The following RC3H1 variants were observed in gnomAD, a reference collection of about 807,000 sequenced individuals.
RC3H1 encodes roquin-1.
In RC3H1, 50 loss-of-function variants were observed where a neutral mutation model predicts 138.2. The observed-to-expected ratio is 0.36, with a 90% CI of 0.29 to 0.46. RC3H1 has a LOEUF of 0.46. Among genes scored for constraint, RC3H1 ranks in the 20% least tolerant of loss-of-function variants. The pLI, the probability that RC3H1 is intolerant of heterozygous loss-of-function variation, is 1.00. For synonymous variants in RC3H1, 462 were observed against 489.1 expected, an observed-to-expected ratio of 0.94 and a Z score of 0.73; for missense variants, 1,031 against 1,388.1, an observed-to-expected ratio of 0.74 and a Z score of 4.09.
Position 173,935,429 on chromosome 1 carries a change from T to C in RC3H1, c.*3292A>G, listed in dbSNP as rs1658543444. ...TGCTTATTACTCCTACCTTAACCCA[T>C]TCAAAATTGTTCATCTCAGATATCT... is the stretch of plus-strand genomic sequence containing the variant. On this transcript the variant is annotated 3_prime_UTR_variant, in exon 20 of 20. Coordinates refer to ENST00000367696, the MANE Select transcript of RC3H1 (RefSeq NM_172071.4). The C allele has an allele frequency of 1.3e-5, 2 of 152,192 alleles. No homozygotes were observed. The highest frequency in any genetic ancestry group is 1.5e-5 in the Non-Finnish European group (1 of 68,032). 9.4% of individuals were successfully genotyped at this position (152,192 alleles called of 1,614,324 possible).
chr1:173,982,985 T>C (rs1316885029), intron 4 of RC3H1, 83 bp from the exon 5 acceptor site: 1 of 1,249,970 alleles, frequency 8.0e-7, no homozygotes, highest in East Asian at 2.4e-5. Context: ...TATTTAATCA[T>C]TTCTGCAGCT....
chr1:173,943,399 A>G (rs1658993082), intron 18 of RC3H1, 43 bp downstream of exon 18: 60 of 1,404,408 alleles, frequency 4.3e-5, no homozygotes, highest in Non-Finnish European at 5.0e-5. Flanking sequence ...CACATGAAAG[A>G]TTTCATTTCA....
rs762903280 is a variant in RC3H1 at position 173,946,522 on chromosome 1, T to C, written c.2915A>G (p.Gln972Arg). 6 of 1,614,182 alleles carry C rather than the reference T, an allele frequency of 3.7e-6. No homozygotes were observed. Among genetic ancestry groups the C allele is most frequent in the South Asian group, 2.2e-5 (2 of 91,084 alleles). ...EREQLRLELQ[Q>R]LNHQISQQTQ... is the part of the protein sequence containing the mutation. ...CTGCTGGCTAATCTGATGGTTCAAT[T>C]GCTGCAATTCTAGTCGTAGCTGTTC... Residue 972 changes from glutamine to arginine, a missense_variant, in exon 17 of 20, where the codon CAA becomes CGA. By Grantham distance (43) the Gln-to-Arg change is conservative. This residue lies in a region of RC3H1 where 716 missense variants were observed against 837.9 expected (regional missense o/e 0.85). Coordinates refer to ENST00000367696, the MANE Select transcript of RC3H1 (RefSeq NM_172071.4).
At chr1:174,009,709 G>A (rs933789374) in intron 1 of RC3H1, among the ~76,000 whole-genome samples, 3 of 152,072 alleles carry the variant, frequency 2.0e-5, no homozygotes, top group Non-Finnish European at 2.9e-5. Context: ...ATGGTGGCAC[G>A]CGTCTGTAGT....
At chr1:173,993,901 C>A (rs1661392981) in intron 1 of RC3H1, among the ~76,000 whole-genome samples, 1 of 148,522 alleles carries the variant, frequency 6.7e-6, no homozygotes, top group Admixed American at 6.7e-5. Context: ...GCGCCTGTAA[C>A]CCCAGCTACT....
At chr1:173,974,885 T>C (rs1046422045) in intron 7 of RC3H1, among the ~76,000 whole-genome samples, 2 of 151,972 alleles carry the variant, frequency 1.3e-5, no homozygotes, top group African/African-American at 4.8e-5. Context: ...ATGGTAGCAG[T>C]GAAGGTAAAT....
At chr1:173,955,070 CA>C (rs1441418029) in intron 13 of RC3H1, among the ~76,000 whole-genome samples, 2 of 150,846 alleles carry the variant, frequency 1.3e-5, no homozygotes, top group Non-Finnish European at 3.0e-5. Context: ...ACTAAAAATA[CA>C]AAAAATTAGC....
chr1:173,955,886 TTTGGG>T (rs1659622379), intron 13 of RC3H1, among the ~76,000 whole-genome samples: 1 of 152,010 alleles, frequency 6.6e-6, no homozygotes, highest in South Asian at 2.1e-4. Context: ...ATCGCAACAC[TTTGGG>T]AGGCCGAGGT....
In RC3H1 at chr1:173,964,152, G is replaced by GAAATC; in HGVS notation, c.1651_1652insGATTT (p.Pro551ArgfsTer4). ...TGGAGGTATAGAATGTGGATTCACA[G>GAAATC]GTAAGGCAGAAATACTCTTAGGAAC... On this transcript the variant is annotated frameshift_variant, in exon 11 of 20. Coordinates refer to ENST00000367696, the MANE Select transcript of RC3H1 (RefSeq NM_172071.4). LOFTEE classifies it high-confidence loss of function. The GAAATC allele has an allele frequency of 6.2e-7, 1 of 1,613,994 alleles. No individual in the cohort carries two copies. Among genetic ancestry groups the GAAATC allele is most frequent in the Non-Finnish European group, 8.5e-7 (1 of 1,179,946 alleles).
chr1:174,017,783 C>CAAAAAAAAAAAAAAAAAAAAAAAAAAA lies in RC3H1; in HGVS notation c.-151+4286_-151+4312dup, dbSNP rs61239660. Among the ~76,000 whole-genome samples the CAAAAAAAAAAAAAAAAAAAAAAAAAAA allele has an allele frequency of 1.1e-4, 8 of 72,034 alleles. 2 individuals carry two copies. Among genetic ancestry groups the CAAAAAAAAAAAAAAAAAAAAAAAAAAA allele is most frequent in the African/African-American group, 4.6e-4 (8 of 17,530 alleles). The allele number at this position is 72,034 out of a possible 152,430, so 47.3% of individuals were successfully genotyped here. A position where few individuals can be genotyped will look rare whatever the true frequency, so the allele number is the denominator to read the frequency against. ...ACCCCTTTAGAACTCTTTTCTTGCT[C>CAAAAAAAAAAAAAAAAAAAAAAAAAAA]AAAAAAAAAAAAAAAAAAAAAAAAA... On this transcript the variant is annotated intron_variant, in intron 1 of 19. Coordinates refer to ENST00000367696, the MANE Select transcript of RC3H1 (RefSeq NM_172071.4).
intron 13 of RC3H1, among the ~76,000 whole-genome samples, chr1:173,954,038 CAAAT>C (rs1472451566): frequency 6.6e-6 from 1 of 151,908 alleles, no homozygotes; most frequent in Non-Finnish European, 1.5e-5. Flanking sequence ...GACTCCATCT[CAAAT>C]AATAATAATA....
Position 174,012,939 on chromosome 1 carries a change from C to G in RC3H1, c.-151+9157G>C, listed in dbSNP as rs538780670. On this transcript the variant is annotated intron_variant, in intron 1 of 19. Transcript: ENST00000367696. Reference sequence around the variant, plus strand: ...AAAATAAAAAACAAAAAGATGATTCCAGAGTTTAAGGACAAAAAGGATCAG... The same window carrying G: ...AAAATAAAAAACAAAAAGATGATTCGAGAGTTTAAGGACAAAAAGGATCAG... Among the ~76,000 whole-genome samples, 4 of 151,608 alleles carry G rather than the reference C, an allele frequency of 2.6e-5. No homozygotes were observed. The East Asian group carries it at 5.8e-4, about 22-fold the overall frequency.
intron 2 of RC3H1, among the ~76,000 whole-genome samples, chr1:173,990,282 T>C (rs1483443374): frequency 1.3e-5 from 2 of 151,972 alleles, no homozygotes; most frequent in Non-Finnish European, 2.9e-5. Flanking sequence ...TTCACCATGT[T>C]GGCCAGGCTG....
chr1:173,982,673 T>A (rs1660872766), intron 5 of RC3H1, 54 bp downstream of exon 5: 4 of 1,442,494 alleles, frequency 2.8e-6, no homozygotes, highest in Non-Finnish European at 3.7e-6. Context: ...ACTACTTAAC[T>A]TTGGGGAAAG....
At chr1:173,950,163 G>A (rs900916573) in intron 14 of RC3H1, among the ~76,000 whole-genome samples, 1 of 151,054 alleles carries the variant, frequency 6.6e-6, no homozygotes, top group African/African-American at 2.4e-5. Context: ...GTGGAACTCC[G>A]TCTCAAAAAA....
intron 19 of RC3H1, among the ~76,000 whole-genome samples, chr1:173,940,485 G>GA (rs1658804364): frequency 6.6e-6 from 1 of 151,992 alleles, no homozygotes; most frequent in African/African-American, 2.4e-5. Context: ...AAAAAAACTG[G>GA]AAAGATAATA....
chr1:173,969,964 T>G (rs970354384), intron 9 of RC3H1, among the ~76,000 whole-genome samples: 1 of 152,082 alleles, frequency 6.6e-6, no homozygotes, highest in African/African-American at 2.4e-5. Flanking sequence ...TAGATTTAGC[T>G]AATCATAAAA....
chr1:173,973,365 G>A (rs1166309621), intron 7 of RC3H1, among the ~76,000 whole-genome samples: 2 of 151,844 alleles, frequency 1.3e-5, no homozygotes, highest in African/African-American at 2.4e-5. Context: ...GTGAAACCCC[G>A]TCTCCACTAA....
Position 173,961,779 on chromosome 1 carries a change from C to T in RC3H1, c.2148G>A (p.Glu716=). The change falls in exon 12 of 20, where the codon GAG becomes GAA. Residue 716 remains glutamate (E), a synonymous_variant. Transcript: ENST00000367696. The stretch of plus-strand genomic sequence containing the variant: ...GATGAGGAGCCACTGGATAGTAACT[C>T]TCGATCTGTTGGTATCTTTCTCTGG... ...PESRERYQQI[E]SYYPVAPHPT... 1 of 1,613,098 alleles carries T rather than the reference C, an allele frequency of 6.2e-7. No individual in the cohort carries two copies. Among genetic ancestry groups the T allele is most frequent in the Non-Finnish European group, 8.5e-7 (1 of 1,180,006 alleles).
Sources: allele counts gnomAD v4.1 joint callset (sites outside exome capture counted in the v4.1 genomes callset), GRCh38; gene constraint gnomAD v4.1.1; regional missense constraint gnomAD v4.1.1; transcripts MANE v1.5; gene names NCBI Gene and HGNC (gene_info 2026-07-23, HGNC 2026-07-21).